The following SOD2 variants were observed in gnomAD, a reference collection of about 807,000 sequenced individuals.
SOD2 encodes the protein superoxide dismutase [Mn], mitochondrial.
In SOD2, 11 loss-of-function variants were observed where a neutral mutation model predicts 27.0. That is an observed-to-expected ratio of 0.41 (90% CI 0.26 to 0.67). The LOEUF (loss-of-function observed/expected upper bound fraction) is 0.67, where lower values mean the gene tolerates loss of function less well. Among genes scored for constraint, SOD2 ranks in the 30% least tolerant of loss-of-function variants. The pLI is 0.34. For synonymous variants in SOD2, 105 were observed against 103.0 expected (o/e 1.02, Z -0.12); for missense variants, 250 against 274.5 (o/e 0.91, Z 0.63).
At chr6:159,709,635 G>T (rs1440395812) in intron 1 of SOD2, among the ~76,000 whole-genome samples, 2 of 152,160 alleles carry the variant, frequency 1.3e-5, no homozygotes, top group African/African-American at 4.8e-5. Flanking sequence ...TGGAGAGGAT[G>T]TGGAGAAATA....
chr6:159,752,078 A>T (rs1382450681), intron 1 of SOD2, among the ~76,000 whole-genome samples: 1 of 151,654 alleles, frequency 6.6e-6, no homozygotes, highest in Non-Finnish European at 1.5e-5. Context: ...AAAAAAAAAA[A>T]TGCTGTAGGT....
At chr6:159,755,581 A>G in intron 1 of SOD2, 1 of 1,613,434 alleles carries the variant, frequency 6.2e-7, no homozygotes, top group Non-Finnish European at 8.5e-7. Flanking sequence ...GCTTGGACTC[A>G]AGTGTAAATG....
At chr6:159,753,122 G>A (rs932679705) in intron 1 of SOD2, among the ~76,000 whole-genome samples, 1 of 152,118 alleles carries the variant, frequency 6.6e-6, no homozygotes, top group Non-Finnish European at 1.5e-5. Flanking sequence ...AATAATACTG[G>A]TATAGCCAAG....
chr6:159,731,911 T>G (rs572550480), upstream of SOD2, among the ~76,000 whole-genome samples: 1 of 152,226 alleles, frequency 6.6e-6, no homozygotes, highest in African/African-American at 2.4e-5. Flanking sequence ...TCATCTCATT[T>G]TTTGCTAAGC....
In SOD2 at chr6:159,681,442, C is replaced by T. The variant is rs1474628271; in HGVS notation, c.*1051G>A. Reference sequence around the variant, plus strand: ...GGGAACACCAGGGACTAAACTCTGACCTCCATTCTTTGCTCTCAGTTTCTT... The same window carrying T: ...GGGAACACCAGGGACTAAACTCTGATCTCCATTCTTTGCTCTCAGTTTCTT... On this transcript the variant is annotated 3_prime_UTR_variant, in exon 5 of 5. Coordinates refer to ENST00000538183, the MANE Select transcript of SOD2 (RefSeq NM_000636.4). The T allele has an allele frequency of 6.6e-6, 1 of 152,372 alleles. No individual in the cohort carries two copies. Among genetic ancestry groups the T allele is most frequent in the Middle Eastern group, 3.4e-3 (1 of 294 alleles). 9.4% of individuals were successfully genotyped at this position (152,372 alleles called of 1,614,324 possible). A position where few individuals can be genotyped will look rare whatever the true frequency, so the allele number is the denominator to read the frequency against.
rs5746136 is a variant in SOD2 at position 159,682,052 on chromosome 6, C to T, written c.*441G>A. On this transcript the variant is annotated 3_prime_UTR_variant, in exon 5 of 5. Transcript: ENST00000538183. ...AGAAGTATCACTGCAGAGGATTACTCGACAAAAAGTGCAATTTTCTATAGA... is the reference window on the plus strand; with the variant it reads ...AGAAGTATCACTGCAGAGGATTACTTGACAAAAAGTGCAATTTTCTATAGA... The T allele has an allele frequency of 0.28, 42,661 of 153,582 alleles. 6,118 individuals are homozygous for T. Among genetic ancestry groups the T allele is most frequent in the East Asian group, 0.41 (2,122 of 5,194 alleles). The allele number at this position is 153,582 out of a possible 1,614,324, so 9.5% of individuals were successfully genotyped here.
chr6:159,741,710 G>A, intron 1 of SOD2: 1 of 175,594 alleles, frequency 5.7e-6, no homozygotes, highest in Non-Finnish European at 1.2e-5. Flanking sequence ...GATTTAGGCT[G>A]GGTGTGGTGA....
At chr6:159,693,454 G>A (rs568728145), upstream of SOD2, 800 of 159,334 alleles carry the variant, frequency 5.0e-3, 6 homozygotes, top group African/African-American at 0.018. Context: ...AAAGGAGGCT[G>A]CAGGCTAGCC....
rs543456382 is a variant in SOD2 at position 159,726,782 on chromosome 6, A to T, written c.-116+347T>A. 66 of 1,289,114 alleles carry T rather than the reference A, an allele frequency of 5.1e-5. No individual in the cohort carries two copies. In the South Asian group the frequency reaches 8.0e-4, roughly 16 times the overall value. 79.9% of individuals were successfully genotyped at this position (1,289,114 alleles called of 1,614,324 possible). A position where few individuals can be genotyped will look rare whatever the true frequency, so the allele number is the denominator to read the frequency against. On this transcript the variant is annotated intron_variant, in intron 1 of 2. Transcript: ENST00000401980. ...AGAGATGTCAAGGAGGAACGAACCC[A>T]GCGGCCAGGAGACTGCGCCTCACGA...
rs946054945 is a variant in SOD2 at position 159,743,513 on chromosome 6, G to A, written c.-116+1617C>T. On this transcript the variant is annotated intron_variant, in intron 1 of 3. Coordinates refer to the SOD2 transcript ENST00000537657. ...ACCATTGTCTCCTAAAGGAGCTCTC[G>A]TGACCAGGAAGAAATTCGCCTGTTA... is the stretch of plus-strand genomic sequence containing the variant. 1.1e-4 allele frequency: 74 copies of A among 655,520 alleles called. 2 individuals are homozygous for A. The highest frequency in any genetic ancestry group is 9.2e-4 in the Middle Eastern group (2 of 2,168). The allele number at this position is 655,520 out of a possible 1,614,324, so 40.6% of individuals were successfully genotyped here.
At chr6:159,712,126 TAACCACCTCCATA>T (rs1777804258) in intron 1 of SOD2, among the ~76,000 whole-genome samples, 2 of 38,750 alleles carry the variant, frequency 5.2e-5, no homozygotes, top group East Asian at 1.2e-3. Context: ...CAGACCTCCA[TAACCACCTCCATA>T]ACCACCACTC....
chr6:159,686,917 C>A (rs1342566394), intron 3 of SOD2, among the ~76,000 whole-genome samples: 1 of 152,124 alleles, frequency 6.6e-6, no homozygotes, highest in Non-Finnish European at 1.5e-5. Context: ...TGGGCCTCCA[C>A]AAGCTACACA....
rs936679852 is a variant in SOD2, at chr6:159,682,328, A to G, written c.*165T>C. The G allele has an allele frequency of 2.0e-6, 1 of 502,860 alleles. No homozygotes were observed. The highest frequency in any genetic ancestry group is 4.2e-5 in the Admixed American group (1 of 23,730). The allele number at this position is 502,860 out of a possible 1,614,324, so 31.1% of individuals were successfully genotyped here. A position where few individuals can be genotyped will look rare whatever the true frequency, so the allele number is the denominator to read the frequency against. ...TTTCAATCACTTGCCCAATAACAAA[A>G]TGTTTAGTAAGAAATTATTCAGAAC... is the stretch of plus-strand genomic sequence containing the variant. On this transcript the variant is annotated 3_prime_UTR_variant, in exon 5 of 5. Coordinates refer to ENST00000538183, the MANE Select transcript of SOD2 (RefSeq NM_000636.4).
At chr6:159,700,459 C>A (rs1777504280) in intron 1 of SOD2, among the ~76,000 whole-genome samples, 2 of 152,094 alleles carry the variant, frequency 1.3e-5, no homozygotes, top group East Asian at 3.9e-4. Flanking sequence ...TCGAGACCAT[C>A]CTGGCTGACA....
rs758113418 is a variant in SOD2 at position 159,753,357 on chromosome 6, ATATAGT to A, written c.-335-4687_-335-4682del. On this transcript the variant is annotated intron_variant, in intron 1 of 7. Transcript: ENST00000546087. The stretch of plus-strand genomic sequence containing the variant: ...TAATTATGGGGAAGCATCTGCTGTG[ATATAGT>A]TATGTTTGTATGTGTTACATCTATC... 5 of 1,488,678 alleles carry A rather than the reference ATATAGT, an allele frequency of 3.4e-6. No individual in the cohort carries two copies. In the East Asian group the frequency reaches 9.1e-5, roughly 27 times the overall value. The allele number at this position is 1,488,678 out of a possible 1,614,324, so 92.2% of individuals were successfully genotyped here.
chr6:159,730,197 A>G (rs1415385718), upstream of SOD2, among the ~76,000 whole-genome samples: 1 of 152,214 alleles, frequency 6.6e-6, no homozygotes, highest in African/African-American at 2.4e-5. Flanking sequence ...AGTCATTTTC[A>G]TCCTGGAAAA....
Position 159,688,131 on chromosome 6 carries a change from G to A in SOD2, c.338C>T (p.Pro113Leu). Residue 113 changes from proline (P) to leucine (L), a missense_variant, in exon 3 of 5, where the codon CCC (proline) becomes CTC (leucine). By Grantham distance (98) the Pro-to-Leu change is moderately conservative (BLOSUM62 -3). Transcript: ENST00000538183. ...GTGCACCAATATATACCAACCTTTG[G>A]GTTCTCCACCACCGTTAGGGCTGAG... ...TNLSPNGGGE[P>L]KGELLEAIKR... The A allele has an allele frequency of 6.3e-7, 1 of 1,583,230 alleles. No homozygotes were observed. Among genetic ancestry groups the A allele is most frequent in the Non-Finnish European group, 8.7e-7 (1 of 1,151,844 alleles).
Position 159,672,448 on chromosome 6 carries a change from G to C in SOD2, c.*10045C>G, listed in dbSNP as rs1334054096. 1 of 152,118 alleles carries C rather than the reference G, an allele frequency of 6.6e-6. No homozygotes were observed. Among genetic ancestry groups the C allele is most frequent in the Non-Finnish European group, 1.5e-5 (1 of 68,018 alleles). 9.4% of individuals were successfully genotyped at this position (152,118 alleles called of 1,614,324 possible). ...GTGGGGGTCAATATTCAACGTTCTT[G>C]AAGAAAAGAATTTTCAACCCAGAAT... On this transcript the variant is annotated 3_prime_UTR_variant, in exon 5 of 5. Transcript: ENST00000538183.
chr6:159,738,871 A>T, intron 1 of SOD2: 1 of 642,890 alleles, frequency 1.6e-6, no homozygotes, highest in Non-Finnish European at 2.5e-6. Flanking sequence ...TTTTTCAAAA[A>T]ATCATAATAT....
Sources: gnomAD v4.1 joint callset for allele counts (sites outside exome capture counted in the v4.1 genomes callset) on GRCh38, gnomAD v4.1.1 for gene constraint, MANE v1.5 for transcripts, NCBI Gene and HGNC (gene_info 2026-07-23, HGNC 2026-07-21) for gene names.